Variants in CENPW observed in about 807,000 individuals in gnomAD.
CENPW encodes the protein centromere protein W, also known as cancer-up-regulated gene 2 protein.
In CENPW, 3 loss-of-function variants were observed where a neutral mutation model predicts 11.1. The ratio of observed to expected loss-of-function variants is 0.27; its 90% CI spans 0.12 to 0.70. The LOEUF is 0.70. Among genes scored for constraint, CENPW ranks in the 30% least tolerant of loss-of-function variants. CENPW has a pLI of 0.77. For synonymous variants in CENPW, 38 were observed against 42.0 expected (o/e 0.91, Z 0.37); for missense variants, 100 against 105.6 (o/e 0.95, Z 0.23).
chr6:126,452,284 T>TTGCATA, the CENPW span, among the ~76,000 whole-genome samples: 1 of 151,180 alleles, frequency 6.6e-6, no homozygotes, highest in Non-Finnish European at 1.5e-5. Flanking sequence ...AGAGAAGAAC[T>TTGCATA]GAGATTCCAG....
the CENPW span, among the ~76,000 whole-genome samples, chr6:126,397,790 T>G: frequency 1.3e-5 from 2 of 152,218 alleles, no homozygotes; most frequent in Non-Finnish European, 2.9e-5. Flanking sequence ...ACTTTCACTC[T>G]AACTCTAAAC....
chr6:126,468,029 T>G, the CENPW span, among the ~76,000 whole-genome samples: 1,050 of 152,046 alleles, frequency 6.9e-3, 8 homozygotes, highest in Middle Eastern at 0.031. Context: ...AGTACTAAAA[T>G]GCAAAAATGT....
the CENPW span, among the ~76,000 whole-genome samples, chr6:126,362,300 C>G: frequency 1.3e-5 from 2 of 152,286 alleles, no homozygotes; most frequent in Middle Eastern, 3.4e-3. Flanking sequence ...GAGGCCCTGT[C>G]TGCTTACTCC....
the CENPW span, among the ~76,000 whole-genome samples, chr6:126,440,860 G>A: frequency 1.3e-5 from 2 of 151,492 alleles, no homozygotes; most frequent in African/African-American, 4.8e-5. Flanking sequence ...TGGTCCATTT[G>A]AGGAGGGTCA....
chr6:126,409,972 A>G, the CENPW span, among the ~76,000 whole-genome samples: 1 of 151,710 alleles, frequency 6.6e-6, no homozygotes, highest in African/African-American at 2.4e-5. Context: ...GGTTTTATAT[A>G]TTCTTTTGTT....
At chr6:126,461,098 T>A in the CENPW span, among the ~76,000 whole-genome samples, 1 of 152,024 alleles carries the variant, frequency 6.6e-6, no homozygotes, top group South Asian at 2.1e-4. Flanking sequence ...TTTGGCTCTG[T>A]GTCTCCACCC....
At chr6:126,460,997 G>A in the CENPW span, among the ~76,000 whole-genome samples, 5 of 151,850 alleles carry the variant, frequency 3.3e-5, no homozygotes, top group Non-Finnish European at 7.4e-5. Flanking sequence ...ATACTGGCTG[G>A]CAGATAGAAG....
the CENPW span, among the ~76,000 whole-genome samples, chr6:126,425,028 C>T: frequency 2.6e-5 from 4 of 152,050 alleles, no homozygotes; most frequent in South Asian, 2.1e-4. Flanking sequence ...ACATATCTAA[C>T]GTGGCTCTAT....
the CENPW span, among the ~76,000 whole-genome samples, chr6:126,461,184 C>T: frequency 2.6e-5 from 4 of 151,618 alleles, no homozygotes; most frequent in Non-Finnish European, 4.4e-5. Context: ...AATCATGGGG[C>T]GGGTCTTTCC....
the CENPW span, among the ~76,000 whole-genome samples, chr6:126,437,022 T>C: frequency 6.6e-6 from 1 of 151,834 alleles, no homozygotes; most frequent in Non-Finnish European, 1.5e-5. Flanking sequence ...TTGAAGCTTT[T>C]TTTTTTTCAT....
At chr6:126,417,005 C>A in the CENPW span, among the ~76,000 whole-genome samples, 1 of 152,158 alleles carries the variant, frequency 6.6e-6, no homozygotes, top group Non-Finnish European at 1.5e-5. Flanking sequence ...CCTGGAAAAG[C>A]CACAGACACT....
At chr6:126,455,745 A>C in the CENPW span, among the ~76,000 whole-genome samples, 1 of 151,388 alleles carries the variant, frequency 6.6e-6, no homozygotes, top group African/African-American at 2.4e-5. Context: ...GAAAGAAAGA[A>C]AAGCATCCAA....
the CENPW span, among the ~76,000 whole-genome samples, chr6:126,420,630 A>C: frequency 6.6e-6 from 1 of 152,258 alleles, no homozygotes; most frequent in South Asian, 2.1e-4. Flanking sequence ...TTAGGGAAGA[A>C]GAAATTGACT....
the CENPW span, among the ~76,000 whole-genome samples, chr6:126,453,428 A>G: frequency 6.6e-6 from 1 of 151,254 alleles, no homozygotes; most frequent in Non-Finnish European, 1.5e-5. Flanking sequence ...AAGAAATTTC[A>G]TTCAAGAATT....
chr6:126,470,786 AT>A, the CENPW span, among the ~76,000 whole-genome samples: 1 of 152,198 alleles, frequency 6.6e-6, no homozygotes, highest in African/African-American at 2.4e-5. Flanking sequence ...AAAGGAGATT[AT>A]TTTGGAGCTT....
downstream of CENPW, among the ~76,000 whole-genome samples, chr6:126,353,272 G>T (rs1780512155): frequency 7.3e-6 from 1 of 137,064 alleles, no homozygotes; most frequent in African/African-American, 2.7e-5. Flanking sequence ...CTATTTTCCT[G>T]TAGTAACTGT....
At chr6:126,472,892 T>C in the CENPW span, among the ~76,000 whole-genome samples, 6 of 152,268 alleles carry the variant, frequency 3.9e-5, no homozygotes, top group African/African-American at 1.4e-4. Flanking sequence ...TCCTTAACTT[T>C]AAAAAAGTCA....
At chr6:126,447,899 C>G in the CENPW span, among the ~76,000 whole-genome samples, 1 of 151,304 alleles carries the variant, frequency 6.6e-6, no homozygotes, top group Non-Finnish European at 1.5e-5. Context: ...TTCACTGTTC[C>G]ACTTCTTGTG....
chr6:126,462,518 TC>T, the CENPW span, among the ~76,000 whole-genome samples: 1 of 147,618 alleles, frequency 6.8e-6, no homozygotes, highest in Non-Finnish European at 1.5e-5. Flanking sequence ...TTTCTCTCTC[TC>T]TCTCTCTCTC....
Sources: gnomAD v4.1 joint callset for allele counts (sites outside exome capture counted in the v4.1 genomes callset) on GRCh38, gnomAD v4.1.1 for gene constraint, MANE v1.5 for transcripts, NCBI Gene and HGNC (gene_info 2026-07-23, HGNC 2026-07-21) for gene names.